Variants in FAR2 observed in about 807,000 individuals in gnomAD.
The protein encoded by FAR2 is epididymis secretory protein Li 81.
A neutral mutation model predicts 56.0 loss-of-function variants in FAR2; 19 were observed. The ratio of observed to expected loss-of-function variants is 0.34; its 90% CI spans 0.24 to 0.50. FAR2 has a LOEUF of 0.50. FAR2 is among the 20% of genes least tolerant of loss of function. The pLI is 0.98. For missense variants in FAR2, 508 were observed against 642.2 expected (o/e 0.79, Z 2.26); for synonymous variants, 219 against 218.8 (o/e 1.00, Z -0.01).
intron 1 of FAR2, among the ~76,000 whole-genome samples, chr12:29,208,368 G>C (rs7970668): frequency 0.67 from 102,580 of 152,134 alleles, 35,775 homozygotes; most frequent in Non-Finnish European, 0.76. Flanking sequence ...AGCCCAGACT[G>C]TGGTGAGGTG....
chr12:29,318,295 T>C (rs1178558621), intron 9 of FAR2, among the ~76,000 whole-genome samples: 1 of 152,156 alleles, frequency 6.6e-6, no homozygotes, highest in Non-Finnish European at 1.5e-5. Context: ...ACATTGTGAT[T>C]ATGGGGAAAA....
chr12:29,329,632 A>G (rs1949701830), intron 10 of FAR2, among the ~76,000 whole-genome samples: 1 of 152,220 alleles, frequency 6.6e-6, no homozygotes, highest in Admixed American at 6.5e-5. Context: ...TGATACTATG[A>G]AAACCATATC....
chr12:29,219,688 A>C (rs574687343), intron 1 of FAR2, among the ~76,000 whole-genome samples: 1 of 152,294 alleles, frequency 6.6e-6, no homozygotes, highest in East Asian at 1.9e-4. Flanking sequence ...AAAAACTGAA[A>C]CTGGCTTGGT....
intron 1 of FAR2, among the ~76,000 whole-genome samples, chr12:29,243,667 G>A (rs918510599): frequency 1.3e-5 from 2 of 152,210 alleles, no homozygotes; most frequent in African/African-American, 4.8e-5. Context: ...TTATGCCAGC[G>A]TTGGAATGGT....
At position 29,258,945 on chromosome 12, in the gene FAR2, T is replaced by C. The variant is rs1468169327; in HGVS notation, c.-38-11467T>C. ...GAAAAATCTTCCTTCATCTCCACTT[T>C]GAATATTATCAAGATTTTCCATACG... On this transcript the variant is annotated intron_variant, in intron 1 of 11. Transcript: ENST00000536681. Among the ~76,000 whole-genome samples the C allele has an allele frequency of 2.6e-5, 4 of 152,346 alleles. No homozygotes were observed. The East Asian group carries it at 7.7e-4, about 29-fold the overall frequency.
chr12:29,334,994 A>T lies in FAR2; in HGVS notation c.*1200A>T, dbSNP rs1949776917. ...GTTACACCAACTTTCCTCATATTTGAGAGATGAGTACATGTTGGATTGCAG... is the reference window on the plus strand; with the variant it reads ...GTTACACCAACTTTCCTCATATTTGTGAGATGAGTACATGTTGGATTGCAG... On this transcript the variant is annotated 3_prime_UTR_variant, in exon 12 of 12. Coordinates refer to ENST00000536681, the MANE Select transcript of FAR2 (RefSeq NM_001271783.2). 1 of 152,186 alleles carries T rather than the reference A, an allele frequency of 6.6e-6. No individual in the cohort carries two copies. Among genetic ancestry groups the T allele is most frequent in the African/African-American group, 2.4e-5 (1 of 41,454 alleles). The allele number at this position is 152,186 out of a possible 1,614,324, so 9.4% of individuals were successfully genotyped here. A position where few individuals can be genotyped will look rare whatever the true frequency, so the allele number is the denominator to read the frequency against.
chr12:29,185,477 C>A (rs186451665), intron 1 of FAR2, among the ~76,000 whole-genome samples: 1 of 152,112 alleles, frequency 6.6e-6, no homozygotes, highest in Non-Finnish European at 1.5e-5. Context: ...AAACTTCATA[C>A]AAACTTAGAA....
chr12:29,308,145 G>A (rs751631130), intron 5 of FAR2: 32 of 221,306 alleles, frequency 1.4e-4, no homozygotes, highest in Non-Finnish European at 2.7e-4. Context: ...TATAGTTTAA[G>A]CATACCAGAA....
intron 2 of FAR2, chr12:29,277,932 C>CTTTTTTTTTTTT (rs59443228): frequency 6.1e-5 from 7 of 115,486 alleles, no homozygotes; most frequent in Non-Finnish European, 1.2e-4. Context: ...TATTTTCTTT[C>CTTTTTTTTTTTT]TTTTTTTTTT....
At chr12:29,218,759 A>C (rs1475628482) in intron 1 of FAR2, among the ~76,000 whole-genome samples, 1 of 152,234 alleles carries the variant, frequency 6.6e-6, no homozygotes, top group Non-Finnish European at 1.5e-5. Flanking sequence ...TAGAAGGGGA[A>C]AAAGTTATAT....
chr12:29,254,864 A>G (rs567727649), intron 1 of FAR2, among the ~76,000 whole-genome samples: 4 of 152,088 alleles, frequency 2.6e-5, no homozygotes, highest in African/African-American at 9.6e-5. Context: ...GAGGCATGAG[A>G]ATCACTTGAA....
At chr12:29,187,035 A>G (rs1446061926) in intron 1 of FAR2, among the ~76,000 whole-genome samples, 2 of 151,930 alleles carry the variant, frequency 1.3e-5, no homozygotes, top group Admixed American at 6.6e-5. Context: ...TGATCCGCCC[A>G]CCTCGGCCTC....
In FAR2 at chr12:29,316,151, GA is replaced by G. The variant is rs1017889069; in HGVS notation, c.956-682del. 4.6e-5 allele frequency among the ~76,000 whole-genome samples: 7 copies of G among 150,800 alleles called. No homozygotes were observed. In the East Asian group the frequency reaches 7.8e-4, roughly 17 times the overall value. Reference sequence around the variant, plus strand: ...AATAATGAGCTTAGGCATATGCTTTGAAAAAAAACCTACATACATTAAATAA... The same window carrying G: ...AATAATGAGCTTAGGCATATGCTTTGAAAAAAACCTACATACATTAAATAA... On this transcript the variant is annotated intron_variant, in intron 8 of 11. Coordinates refer to ENST00000536681, the MANE Select transcript of FAR2 (RefSeq NM_001271783.2).
intron 1 of FAR2, among the ~76,000 whole-genome samples, chr12:29,269,773 T>G (rs1948582856): frequency 6.6e-6 from 1 of 152,256 alleles, no homozygotes; most frequent in East Asian, 1.9e-4. Flanking sequence ...AATTATTTAT[T>G]CCAGTATTTT....
intron 4 of FAR2, among the ~76,000 whole-genome samples, chr12:29,301,035 A>AT (rs1949155303): frequency 6.6e-6 from 1 of 151,574 alleles, no homozygotes; most frequent in Non-Finnish European, 1.5e-5. Flanking sequence ...AGCTCCCCCC[A>AT]TTTTCTATCC....
At chr12:29,181,953 A>T (rs1949996221) in intron 1 of FAR2, among the ~76,000 whole-genome samples, 1 of 152,238 alleles carries the variant, frequency 6.6e-6, no homozygotes, top group African/African-American at 2.4e-5. Context: ...AGATAGATAG[A>T]TAGACAGATT....
intron 10 of FAR2, among the ~76,000 whole-genome samples, chr12:29,326,844 A>C (rs908984006): frequency 9.9e-5 from 15 of 152,138 alleles, no homozygotes; most frequent in Non-Finnish European, 1.3e-4. Context: ...AACTGGCACA[A>C]GACAGGGATG....
chr12:29,196,133 A>G (rs1169689429), intron 1 of FAR2, among the ~76,000 whole-genome samples: 1 of 152,134 alleles, frequency 6.6e-6, no homozygotes, highest in African/African-American at 2.4e-5. Context: ...TATCTTTGCT[A>G]TTATGAATAG....
intron 1 of FAR2, among the ~76,000 whole-genome samples, chr12:29,175,803 T>C (rs1235815908): frequency 6.6e-6 from 1 of 152,138 alleles, no homozygotes; most frequent in Non-Finnish European, 1.5e-5. Flanking sequence ...AGAGTGTTGA[T>C]TGGTGCATTT....
Sources: allele counts gnomAD v4.1 joint callset (sites outside exome capture counted in the v4.1 genomes callset), GRCh38; gene constraint gnomAD v4.1.1; transcripts MANE v1.5; gene names NCBI Gene and HGNC (gene_info 2026-07-23, HGNC 2026-07-21).